The following AGBL4 variants were observed in gnomAD, a reference collection of about 807,000 sequenced individuals.
AGBL4 encodes the protein AGBL carboxypeptidase 4.
Under a neutral mutation model 66.4 loss-of-function variants are expected in AGBL4, and 58 were observed. The observed-to-expected ratio is 0.87, with a 90% confidence interval of 0.71 to 1.09. The LOEUF is 1.09. Ranked by LOEUF, AGBL4 falls within the 50% of genes least tolerant of loss-of-function variation. The pLI is 0.00. For missense variants in AGBL4, 579 were observed against 631.0 expected (o/e 0.92, Z 0.88); for synonymous variants, 234 against 222.9 (o/e 1.05, Z -0.44).
chr1:49,784,729 T>C (rs1005378242), intron 2 of AGBL4, among the ~76,000 whole-genome samples: 12 of 151,660 alleles, frequency 7.9e-5, no homozygotes, highest in Non-Finnish European at 1.0e-4. Flanking sequence ...GAAAATAATT[T>C]TAAAGACTTA....
intron 5 of AGBL4, among the ~76,000 whole-genome samples, chr1:48,955,850 T>A (rs1262358139): frequency 1.3e-5 from 2 of 152,234 alleles, no homozygotes; most frequent in Non-Finnish European, 2.9e-5. Context: ...GTGAGGAATA[T>A]GGTATAACAC....
intron 3 of AGBL4, among the ~76,000 whole-genome samples, chr1:49,424,706 C>A (rs898926769): frequency 1.3e-5 from 2 of 152,130 alleles, no homozygotes; most frequent in Admixed American, 1.3e-4. Flanking sequence ...TGTTTAAAGC[C>A]CACGAGGTTT....
At chr1:49,483,039 A>G (rs1459187744) in intron 3 of AGBL4, among the ~76,000 whole-genome samples, 1 of 152,036 alleles carries the variant, frequency 6.6e-6, no homozygotes, top group Non-Finnish European at 1.5e-5. Flanking sequence ...ATTTCTGATT[A>G]TGTGATCAAT....
At chr1:49,570,187 C>T (rs1166623166) in intron 3 of AGBL4, among the ~76,000 whole-genome samples, 1 of 152,012 alleles carries the variant, frequency 6.6e-6, no homozygotes. Context: ...TACTAATTTT[C>T]ATTCCTCCCA....
At chr1:48,733,607 G>GT (rs1441955730) in intron 6 of AGBL4, among the ~76,000 whole-genome samples, 1 of 152,212 alleles carries the variant, frequency 6.6e-6, no homozygotes, top group African/African-American at 2.4e-5. Context: ...GAGCTAAGGA[G>GT]TGTGTAATGG....
At chr1:49,963,420 C>CT (rs1657283009) in intron 1 of AGBL4, among the ~76,000 whole-genome samples, 1 of 152,126 alleles carries the variant, frequency 6.6e-6, no homozygotes, top group South Asian at 2.1e-4. Flanking sequence ...AAACCTAACT[C>CT]TTTTTCTGTG....
the AGBL4 span, among the ~76,000 whole-genome samples, chr1:48,526,481 A>C: frequency 0.054 from 8,217 of 152,266 alleles, 228 homozygotes; most frequent in Middle Eastern, 0.065. Context: ...CCAAGTAAGC[A>C]CTCAGTCAGG....
At chr1:49,090,534 A>G (rs1644984320) in intron 4 of AGBL4, among the ~76,000 whole-genome samples, 1 of 152,062 alleles carries the variant, frequency 6.6e-6, no homozygotes, top group South Asian at 2.1e-4. Flanking sequence ...AACCCAGGAG[A>G]TGAAAGACCT....
intron 4 of AGBL4, among the ~76,000 whole-genome samples, chr1:49,121,090 C>A (rs1212168542): frequency 2.0e-5 from 3 of 152,110 alleles, no homozygotes; most frequent in Non-Finnish European, 4.4e-5. Flanking sequence ...ACTGTTTATT[C>A]TAATTAGCCA....
At position 48,565,698 on chromosome 1, in the gene AGBL4, C is replaced by T. The variant is rs1039862247; in HGVS notation, c.1267+21306G>A. Among the ~76,000 whole-genome samples, 6 of 152,250 alleles carry T rather than the reference C, an allele frequency of 3.9e-5. 1 individual carries two copies. Among genetic ancestry groups the T allele is most frequent in the East Asian group, 1.9e-4 (1 of 5,176 alleles). On this transcript the variant is annotated intron_variant, in intron 11 of 13. Coordinates refer to ENST00000371839, the MANE Select transcript of AGBL4 (RefSeq NM_032785.4). ...CCCTCCACATCTACCAGCTGTATGACCTTGGGAAAGTTATTTTACTCTCTG... is the reference window on the plus strand; with the variant it reads ...CCCTCCACATCTACCAGCTGTATGATCTTGGGAAAGTTATTTTACTCTCTG...
At chr1:48,550,238 C>G (rs951015565) in intron 11 of AGBL4, among the ~76,000 whole-genome samples, 1 of 152,168 alleles carries the variant, frequency 6.6e-6, no homozygotes, top group Non-Finnish European at 1.5e-5. Context: ...AATGTATTCT[C>G]TCAGTTCTGG....
intron 5 of AGBL4, among the ~76,000 whole-genome samples, chr1:48,938,127 C>T (rs2148911504): frequency 6.6e-6 from 1 of 152,292 alleles, no homozygotes; most frequent in East Asian, 1.9e-4. Flanking sequence ...ATTGCTTTCC[C>T]TTCTCTGTTT....
chr1:48,893,961 G>A (rs1651253727), intron 5 of AGBL4, among the ~76,000 whole-genome samples: 2 of 152,184 alleles, frequency 1.3e-5, no homozygotes, highest in Admixed American at 1.3e-4. Flanking sequence ...GTATAATGAG[G>A]AAACCAAGGA....
intron 5 of AGBL4, among the ~76,000 whole-genome samples, chr1:48,951,130 A>G (rs1054798601): frequency 6.6e-6 from 1 of 152,194 alleles, no homozygotes; most frequent in Non-Finnish European, 1.5e-5. Context: ...CTTCGGAGCT[A>G]AGTCTAGACT....
chr1:48,569,496 C>T (rs1644526263), intron 11 of AGBL4, among the ~76,000 whole-genome samples: 1 of 152,142 alleles, frequency 6.6e-6, no homozygotes, highest in Non-Finnish European at 1.5e-5. Context: ...TTTCCAGGAG[C>T]CCAGAACCTA....
At chr1:49,390,011 G>A (rs1644813843) in intron 3 of AGBL4, among the ~76,000 whole-genome samples, 2 of 152,092 alleles carry the variant, frequency 1.3e-5, no homozygotes, top group Admixed American at 6.6e-5. Flanking sequence ...TAGTCCCTTG[G>A]ACTCTGTTTC....
At chr1:49,168,475 T>C (rs1646673831) in intron 4 of AGBL4, among the ~76,000 whole-genome samples, 1 of 152,146 alleles carries the variant, frequency 6.6e-6, no homozygotes, top group Admixed American at 6.5e-5. Flanking sequence ...CCAACCACAG[T>C]CTTGGAGGTT....
intron 3 of AGBL4, among the ~76,000 whole-genome samples, chr1:49,500,877 T>C (rs1430536815): frequency 2.0e-5 from 3 of 151,942 alleles, no homozygotes; most frequent in Non-Finnish European, 4.4e-5. Flanking sequence ...TTTAATTCCA[T>C]ATGAATTTTA....
At chr1:49,997,448 A>T (rs1167826054) in intron 1 of AGBL4, among the ~76,000 whole-genome samples, 1 of 152,200 alleles carries the variant, frequency 6.6e-6, no homozygotes, top group East Asian at 1.9e-4. Context: ...AACAGCAGTT[A>T]AAAAAGACAA....
Sources: gnomAD v4.1 joint callset for allele counts (sites outside exome capture counted in the v4.1 genomes callset) on GRCh38, gnomAD v4.1.1 for gene constraint, MANE v1.5 for transcripts, NCBI Gene and HGNC (gene_info 2026-07-23, HGNC 2026-07-21) for gene names.